Variants in LRMDA observed in about 807,000 individuals in gnomAD.
LRMDA encodes leucine rich melanocyte differentiation associated.
Under a neutral mutation model 29.8 loss-of-function variants are expected in LRMDA, and 18 were observed. The ratio of observed to expected loss-of-function variants is 0.60; its 90% confidence interval spans 0.42 to 0.90. The LOEUF is 0.90. Among genes scored for constraint, LRMDA ranks in the 40% least tolerant of loss-of-function variants. The pLI is 0.00. For synonymous variants in LRMDA, 125 were observed against 109.4 expected (o/e 1.14, Z -0.89); for missense variants, 273 against 273.9 (o/e 1.00, Z 0.02).
intron 6 of LRMDA, among the ~76,000 whole-genome samples, chr10:76,471,035 T>C (rs1414482363): frequency 3.3e-5 from 5 of 151,874 alleles, no homozygotes; most frequent in Non-Finnish European, 7.4e-5. Context: ...GTAATATATT[T>C]GACAGTAACA....
chr10:76,246,630 C>T (rs1852383257), intron 5 of LRMDA, among the ~76,000 whole-genome samples: 1 of 152,162 alleles, frequency 6.6e-6, no homozygotes, highest in African/African-American at 2.4e-5. Context: ...TTTCTTGAAG[C>T]ACAGATAGGA....
chr10:76,243,798 G>T (rs1473887073), intron 5 of LRMDA, among the ~76,000 whole-genome samples: 1 of 152,136 alleles, frequency 6.6e-6, no homozygotes, highest in Non-Finnish European at 1.5e-5. Flanking sequence ...TGCCATAGTG[G>T]GTTGAGTGGT....
chr10:75,434,445 T>C (rs1372490184), intron 1 of LRMDA, among the ~76,000 whole-genome samples: 1 of 152,122 alleles, frequency 6.6e-6, no homozygotes, highest in Non-Finnish European at 1.5e-5. Context: ...GAGGAGTTAG[T>C]GTTAGCCCAG....
Position 76,517,910 on chromosome 10 carries a change from A to G in LRMDA, c.602-39299A>G, listed in dbSNP as rs1418162940. On this transcript the variant is annotated intron_variant, in intron 6 of 6. Transcript: ENST00000611255. ...AAAAAGAGTGTTTAAATCCCAACCT[A>G]GTGAAGCAGAGAAATATATATATAT... Among the ~76,000 whole-genome samples, 4 of 140,362 alleles carry G rather than the reference A, an allele frequency of 2.8e-5. No homozygotes were observed. In the Admixed American group the frequency reaches 3.1e-4, roughly 11 times the overall value. 92.1% of individuals were successfully genotyped at this position (140,362 alleles called of 152,430 possible).
At chr10:76,047,384 T>C (rs533410727) in intron 4 of LRMDA, 81 bp downstream of exon 4, 1 of 1,362,850 alleles carries the variant, frequency 7.3e-7, no homozygotes. Context: ...CTGGGGTGCA[T>C]AGTAGATGTT....
At chr10:75,524,529 G>A (rs1195327044) in intron 2 of LRMDA, among the ~76,000 whole-genome samples, 1 of 152,098 alleles carries the variant, frequency 6.6e-6, no homozygotes, top group Non-Finnish European at 1.5e-5. Flanking sequence ...GGCATACATA[G>A]GAATTAGGCT....
intron 2 of LRMDA, among the ~76,000 whole-genome samples, chr10:75,643,825 C>T (rs79584740): frequency 0.018 from 2,685 of 152,190 alleles, 47 homozygotes; most frequent in Middle Eastern, 0.034. Context: ...TAGAGAGGTA[C>T]CCTGGTACAG....
At chr10:75,590,955 G>A (rs1840716660) in intron 2 of LRMDA, among the ~76,000 whole-genome samples, 1 of 151,796 alleles carries the variant, frequency 6.6e-6, no homozygotes, top group Non-Finnish European at 1.5e-5. Flanking sequence ...TGTTGGCCAG[G>A]CTGATTTCAA....
chr10:75,840,850 T>C (rs1441757944), intron 2 of LRMDA, among the ~76,000 whole-genome samples: 3 of 152,240 alleles, frequency 2.0e-5, no homozygotes, highest in Non-Finnish European at 4.4e-5. Flanking sequence ...AACTATCTAC[T>C]GGTAATCATA....
At position 75,901,165 on chromosome 10, in the gene LRMDA, C is replaced by T. The variant is rs895222636; in HGVS notation, c.132-134843C>T. On this transcript the variant is annotated intron_variant, in intron 2 of 6. Coordinates refer to ENST00000611255, the MANE Select transcript of LRMDA (RefSeq NM_001305581.2). ...ATTGTTTCTATCTCTGTGTGAGTCA[C>T]CTTGAACTCCAGTGGTCTGGGAGTA... Among the ~76,000 whole-genome samples the T allele has an allele frequency of 3.3e-5, 5 of 152,258 alleles. No homozygotes were observed. The East Asian group carries it at 7.7e-4, about 24-fold the overall frequency.
chr10:75,686,035 G>T (rs143037454), intron 2 of LRMDA, among the ~76,000 whole-genome samples: 8 of 152,152 alleles, frequency 5.3e-5, no homozygotes, highest in Non-Finnish European at 1.2e-4. Flanking sequence ...TTTGTTCAAG[G>T]TCACATAGCT....
At chr10:76,019,286 A>G (rs970092463) in intron 2 of LRMDA, among the ~76,000 whole-genome samples, 1 of 152,176 alleles carries the variant, frequency 6.6e-6, no homozygotes, top group African/African-American at 2.4e-5. Flanking sequence ...TCTAAGATGT[A>G]CATTTCTTTT....
intron 2 of LRMDA, among the ~76,000 whole-genome samples, chr10:75,541,790 G>C (rs1216800968): frequency 6.6e-6 from 1 of 152,112 alleles, no homozygotes; most frequent in African/African-American, 2.4e-5. Flanking sequence ...TCAGGGTGCA[G>C]ACTTGCTTTT....
chr10:76,112,184 C>T (rs1209668690), intron 5 of LRMDA, among the ~76,000 whole-genome samples: 3 of 152,108 alleles, frequency 2.0e-5, no homozygotes, highest in Non-Finnish European at 4.4e-5. Flanking sequence ...GGACGGGGAC[C>T]CCTGTCTCCT....
intron 2 of LRMDA, among the ~76,000 whole-genome samples, chr10:75,502,900 T>G (rs1156930028): frequency 1.3e-5 from 2 of 152,146 alleles, no homozygotes; most frequent in Non-Finnish European, 2.9e-5. Flanking sequence ...AGTCCCCAGG[T>G]AGAGGCAACC....
chr10:75,975,149 A>G (rs1847047962), intron 2 of LRMDA, among the ~76,000 whole-genome samples: 1 of 152,234 alleles, frequency 6.6e-6, no homozygotes, highest in Non-Finnish European at 1.5e-5. Context: ...TAGATGCTGT[A>G]CCATAATTAT....
intron 6 of LRMDA, among the ~76,000 whole-genome samples, chr10:76,479,258 C>T (rs1284151588): frequency 6.6e-6 from 1 of 151,858 alleles, no homozygotes; most frequent in South Asian, 2.1e-4. Flanking sequence ...AATGTTTGCA[C>T]CAGCAAGGTC....
intron 6 of LRMDA, among the ~76,000 whole-genome samples, chr10:76,503,287 A>C (rs561010763): frequency 6.6e-6 from 1 of 151,722 alleles, no homozygotes; most frequent in East Asian, 1.9e-4. Context: ...TTGATTCACC[A>C]AGATCAAGTA....
intron 2 of LRMDA, among the ~76,000 whole-genome samples, chr10:75,729,290 A>G (rs952972736): frequency 6.6e-6 from 1 of 152,232 alleles, no homozygotes; most frequent in Non-Finnish European, 1.5e-5. Flanking sequence ...CTATGTGTCC[A>G]CTGAAATCTG....
Sources: allele counts gnomAD v4.1 joint callset (sites outside exome capture counted in the v4.1 genomes callset), GRCh38; gene constraint gnomAD v4.1.1; transcripts MANE v1.5; gene names NCBI Gene and HGNC (gene_info 2026-07-23, HGNC 2026-07-21).